Variants in TNR observed in about 807,000 individuals in gnomAD.
TNR encodes the protein tenascin R.
TNR carries 45 observed loss-of-function variants against 150.4 expected under a neutral mutation model. The observed-to-expected ratio is 0.30, with a 90% confidence interval of 0.24 to 0.38. TNR has a LOEUF of 0.38. Ranked by LOEUF, TNR falls within the 10% of genes least tolerant of loss-of-function variation. The probability of loss-of-function intolerance (pLI) is 1.00; values close to 1 mark genes in which losing one functional copy is unlikely to be tolerated. For missense variants in TNR, 1,544 were observed against 1,759.1 expected, an observed-to-expected ratio of 0.88 and a Z score of 2.19; for synonymous variants, 687 against 678.4, an observed-to-expected ratio of 1.01 and a Z score of -0.20.
chr1:175,621,483 A>G (rs749421540), intron 1 of TNR, among the ~76,000 whole-genome samples: 9 of 152,110 alleles, frequency 5.9e-5, no homozygotes, highest in Non-Finnish European at 8.8e-5. Flanking sequence ...TCCTCTGGCC[A>G]TTATCCTCAC....
chr1:175,456,391 A>T (rs1048717471), intron 2 of TNR, among the ~76,000 whole-genome samples: 6 of 152,126 alleles, frequency 3.9e-5, no homozygotes, highest in Non-Finnish European at 7.4e-5. Context: ...TTTACTATTT[A>T]TTTTGTTAAT....
intron 2 of TNR, among the ~76,000 whole-genome samples, chr1:175,476,138 C>T (rs1247833460): frequency 6.6e-6 from 1 of 152,112 alleles, no homozygotes; most frequent in Non-Finnish European, 1.5e-5. Context: ...TCCACTCCAC[C>T]CTTGGGCATT....
intron 1 of TNR, among the ~76,000 whole-genome samples, chr1:175,631,622 T>C (rs1422328944): frequency 6.6e-6 from 1 of 152,186 alleles, no homozygotes; most frequent in African/African-American, 2.4e-5. Context: ...GGGGTCAGTT[T>C]GCAGGGTAAT....
intron 18 of TNR, among the ~76,000 whole-genome samples, chr1:175,341,851 A>G (rs923401832): frequency 3.3e-5 from 5 of 152,200 alleles, no homozygotes; most frequent in Non-Finnish European, 7.3e-5. Flanking sequence ...GCTTTTTCCC[A>G]GAAGCTTGTT....
At chr1:175,415,635 C>T (rs1007012060) in intron 2 of TNR, among the ~76,000 whole-genome samples, 2 of 152,214 alleles carry the variant, frequency 1.3e-5, no homozygotes, top group Admixed American at 6.5e-5. Context: ...TTCGTGGCTT[C>T]GTGTCAGTGT....
chr1:175,504,239 G>T (rs1307248995), intron 2 of TNR, among the ~76,000 whole-genome samples: 1 of 152,046 alleles, frequency 6.6e-6, no homozygotes, highest in East Asian at 1.9e-4. Context: ...AATACTCAAT[G>T]AGTGGCTGTC....
intron 1 of TNR, among the ~76,000 whole-genome samples, chr1:175,576,838 C>T (rs12724720): frequency 9.6e-4 from 146 of 152,304 alleles, no homozygotes; most frequent in Non-Finnish European, 1.2e-3. Context: ...GGCTCCTCTT[C>T]CTCTGTGCTC....
chr1:175,737,702 A>G (rs576761039), intron 1 of TNR, among the ~76,000 whole-genome samples: 1 of 152,304 alleles, frequency 6.6e-6, no homozygotes, highest in Admixed American at 6.5e-5. Context: ...GGGTCCTGGT[A>G]ATAAACCTTT....
At chr1:175,672,870 G>A (rs973376539) in intron 1 of TNR, among the ~76,000 whole-genome samples, 14 of 152,192 alleles carry the variant, frequency 9.2e-5, no homozygotes, top group South Asian at 2.1e-4. Flanking sequence ...TGCTAGGTTC[G>A]TCACTACTCT....
intron 2 of TNR, among the ~76,000 whole-genome samples, chr1:175,454,811 T>A (rs535067193): frequency 1.1e-3 from 162 of 152,270 alleles, no homozygotes; most frequent in African/African-American, 3.8e-3. Context: ...TAAACAAGTA[T>A]CTTACACTCT....
intron 1 of TNR, among the ~76,000 whole-genome samples, chr1:175,632,693 C>T (rs368534401): frequency 2.6e-5 from 4 of 152,210 alleles, no homozygotes; most frequent in East Asian, 1.9e-4. Flanking sequence ...TGTACCTTAT[C>T]TCTTTCAATC....
chr1:175,421,148 G>A (rs962071088), intron 2 of TNR, among the ~76,000 whole-genome samples: 3 of 152,176 alleles, frequency 2.0e-5, no homozygotes, highest in African/African-American at 7.2e-5. Flanking sequence ...GCAGCTGAGG[G>A]CGAGATGAGA....
At chr1:175,491,361 A>G (rs2102139235) in intron 2 of TNR, among the ~76,000 whole-genome samples, 1 of 152,336 alleles carries the variant, frequency 6.6e-6, no homozygotes, top group Middle Eastern at 3.4e-3. Context: ...TAACACATGT[A>G]CCCCTGAACT....
chr1:175,706,152 A>T (rs1435344359), intron 1 of TNR, among the ~76,000 whole-genome samples: 1 of 152,216 alleles, frequency 6.6e-6, no homozygotes, highest in African/African-American at 2.4e-5. Context: ...GTTTTGATTT[A>T]AAAAACTCAT....
intron 1 of TNR, among the ~76,000 whole-genome samples, chr1:175,709,262 T>C (rs905867177): frequency 6.6e-6 from 1 of 151,100 alleles, no homozygotes; most frequent in Non-Finnish European, 1.5e-5. Flanking sequence ...TTCTTTGTAA[T>C]ACAGCCAAAA....
At chr1:175,404,435 C>T (rs1373378281) in intron 3 of TNR, among the ~76,000 whole-genome samples, 1 of 152,208 alleles carries the variant, frequency 6.6e-6, no homozygotes, top group Non-Finnish European at 1.5e-5. Context: ...GGATTCTACG[C>T]ATGTCTCTGT....
chr1:175,415,183 G>C (rs1374674007), intron 2 of TNR, among the ~76,000 whole-genome samples: 4 of 146,482 alleles, frequency 2.7e-5, no homozygotes, highest in Admixed American at 6.8e-5. Context: ...TTTAAAAATA[G>C]TTTCCTCCCT....
chr1:175,354,773 C>G (rs1380154062), intron 17 of TNR, among the ~76,000 whole-genome samples: 1 of 152,196 alleles, frequency 6.6e-6, no homozygotes, highest in Non-Finnish European at 1.5e-5. Context: ...ATTATTGAAT[C>G]TAGAAGTCTT....
At chr1:175,710,306 G>A (rs1169928850) in intron 1 of TNR, among the ~76,000 whole-genome samples, 3 of 152,090 alleles carry the variant, frequency 2.0e-5, no homozygotes, top group Admixed American at 1.3e-4. Context: ...CTAGCTCCTG[G>A]CTGGACAGTG....
Sources: gnomAD v4.1 joint callset for allele counts (sites outside exome capture counted in the v4.1 genomes callset) on GRCh38, gnomAD v4.1.1 for gene constraint, MANE v1.5 for transcripts, NCBI Gene and HGNC (gene_info 2026-07-23, HGNC 2026-07-21) for gene names.